IL13RA2: variants seen among roughly 807,000 people sequenced by gnomAD.
IL13RA2 encodes the protein interleukin-13 receptor subunit alpha-2.
In IL13RA2, 25 loss-of-function variants were observed where a neutral mutation model predicts 34.1. The observed-to-expected ratio is 0.73, with a 90% CI of 0.53 to 1.03. IL13RA2 has a LOEUF of 1.03. IL13RA2 is among the 50% of genes least tolerant of loss of function. IL13RA2 has a pLI of 0.00. For synonymous variants in IL13RA2, 106 were observed against 100.4 expected (o/e 1.06, Z -0.33); for missense variants, 297 against 280.9 (o/e 1.06, Z -0.41).
At chrX:115,015,497 A>T (rs2071723107) in intron 3 of IL13RA2, among the ~76,000 whole-genome samples, 173 bp downstream of exon 3, 1 of 110,630 alleles carries the variant, frequency 9.0e-6, no homozygotes, top group Non-Finnish European at 1.9e-5. Flanking sequence ...TTAACACTGG[A>T]TGGGGTGAAA....
chrX:115,012,851 C>G (rs1216186688), intron 5 of IL13RA2, among the ~76,000 whole-genome samples: 2 of 110,234 alleles, frequency 1.8e-5, no homozygotes, highest in Non-Finnish European at 3.8e-5. Flanking sequence ...GTTAATGAAA[C>G]TGGGGAGCAG....
intron 3 of IL13RA2, among the ~76,000 whole-genome samples, chrX:115,015,140 A>G (rs2071721233): frequency 8.9e-6 from 1 of 112,091 alleles, no homozygotes; most frequent in Non-Finnish European, 1.9e-5. Context: ...TAGAGAGGTA[A>G]CAGAATGTCA....
In IL13RA2 at chrX:115,006,671, A is replaced by G. The variant is rs782097165; in HGVS notation, c.997+1261T>C. Among the ~76,000 whole-genome samples, 4 of 111,610 alleles carry G rather than the reference A, an allele frequency of 3.6e-5. No homozygotes were observed. In the East Asian group the frequency reaches 8.4e-4, roughly 24 times the overall value. On this transcript the variant is annotated intron_variant, in intron 8 of 9. Coordinates refer to ENST00000243213, the MANE Select transcript of IL13RA2 (RefSeq NM_000640.3). ...GCACTCCAGCCTGGGTGATAGAGCA[A>G]GACTCTGTACCAAAAAAAGGAAAAG...
intron 1 of IL13RA2, 88 bp downstream of exon 1, chrX:115,017,465 C>A: frequency 2.8e-6 from 1 of 359,224 alleles, no homozygotes; most frequent in Non-Finnish European, 4.8e-6. Context: ...AAGTTAGGAA[C>A]CAATATAATT....
intron 6 of IL13RA2, 129 bp downstream of exon 6, chrX:115,010,515 C>A: frequency 2.6e-6 from 1 of 379,933 alleles, no homozygotes; most frequent in Non-Finnish European, 4.7e-6. Context: ...TTCCATAGGT[C>A]TCTGTCTCTC....
chrX:115,013,828 G>C lies in IL13RA2; in HGVS notation c.462C>G (p.Leu154=). The change falls in exon 5 of 10, where the codon CTC becomes CTG. Residue 154 remains leucine, a synonymous_variant. Coordinates refer to ENST00000243213, the MANE Select transcript of IL13RA2 (RefSeq NM_000640.3). ...DCVYYNWQYL[L]CSWKPGIGVL... ...CACCTATGCCAGGTTTCCAAGAACAGAGTAAATATTGCCAATTGTAATATA... is the reference window on the plus strand; with the variant it reads ...CACCTATGCCAGGTTTCCAAGAACACAGTAAATATTGCCAATTGTAATATA... 1 of 1,015,981 alleles carries C rather than the reference G, an allele frequency of 9.8e-7. No individual in the cohort carries two copies. The highest frequency in any genetic ancestry group is 1.4e-6 in the Non-Finnish European group (1 of 719,140). 83.7% of individuals were successfully genotyped at this position (1,015,981 alleles called of 1,213,427 possible). A position where few individuals can be genotyped will look rare whatever the true frequency, so the allele number is the denominator to read the frequency against.
rs1279778240 is a variant in IL13RA2 at position 115,017,311 on chromosome X, GA to G, written c.-33-10del. The G allele has an allele frequency of 1.7e-6, 1 of 605,645 alleles. No individual in the cohort carries two copies. Among genetic ancestry groups the G allele is most frequent in the East Asian group, 3.3e-5 (1 of 30,137 alleles). 49.9% of individuals were successfully genotyped at this position (605,645 alleles called of 1,213,427 possible). On this transcript the variant is annotated splice_polypyrimidine_tract_variant and intron_variant, in intron 1 of 9. Coordinates refer to ENST00000243213, the MANE Select transcript of IL13RA2 (RefSeq NM_000640.3). The stretch of plus-strand genomic sequence containing the variant: ...ACCTTGATATTGCCTCTCTATGAAG[GA>G]AAAATATAACATTTTAACTTTATCT...
In IL13RA2 at chrX:115,014,554, T is replaced by C; in HGVS notation, c.267A>G (p.Leu89=). 8.4e-7 allele frequency: 1 copy of C among 1,183,683 alleles called. No individual in the cohort carries two copies. The highest frequency in any genetic ancestry group is 1.1e-6 in the Non-Finnish European group (1 of 874,974). The stretch of plus-strand genomic sequence containing the variant: ...TAAGATCAAACCCATCTTTGTAATG[T>C]AGATTCTTAGTAATGATGGTCTGTT... ...ETWKTIITKN[L]HYKDGFDLNK... The change falls in exon 4 of 10, where the codon CTA becomes CTG. Residue 89 remains leucine (L), a synonymous_variant. Coordinates refer to ENST00000243213, the MANE Select transcript of IL13RA2 (RefSeq NM_000640.3).
rs781988944 is a variant in IL13RA2 at position 115,017,236 on chromosome X, A to G, written c.34T>C (p.Tyr12His). The change falls in exon 2 of 10, where the codon TAT (tyrosine) becomes CAT (histidine). Residue 12 changes from tyrosine (Y) to histidine (H), a missense_variant. Physicochemically the swap from Tyr to His is moderately conservative, Grantham distance 83. Transcript: ENST00000243213. ...AFVCLAIGCL[Y>H]TFLISTTFGC... ...AATGTTGTGCTTATCAGAAAGGTAT[A>G]TAAGCATCCGATAGCCAAGCAAACG... 7.9e-6 allele frequency: 8 copies of G among 1,017,354 alleles called. No individual in the cohort carries two copies. Among genetic ancestry groups the G allele is most frequent in the Admixed American group, 2.2e-5 (1 of 44,680 alleles). The allele number at this position is 1,017,354 out of a possible 1,213,427, so 83.8% of individuals were successfully genotyped here. A position where few individuals can be genotyped will look rare whatever the true frequency, so the allele number is the denominator to read the frequency against.
chrX:115,014,606 C>T, intron 3 of IL13RA2, 32 bp from the exon 4 acceptor site: 1 of 1,085,532 alleles, frequency 9.2e-7, no homozygotes, highest in Non-Finnish European at 1.3e-6. Context: ...CAAAGTCAAG[C>T]TTAGAAACCT....
intron 8 of IL13RA2, among the ~76,000 whole-genome samples, chrX:115,006,928 A>G (rs1556507748): frequency 8.9e-6 from 1 of 111,759 alleles, no homozygotes; most frequent in Non-Finnish European, 1.9e-5. Flanking sequence ...CTTCTTTCTG[A>G]TTCCATATAG....
intron 8 of IL13RA2, among the ~76,000 whole-genome samples, chrX:115,005,965 C>A (rs1556507490): frequency 8.9e-6 from 1 of 112,014 alleles, no homozygotes; most frequent in Non-Finnish European, 1.9e-5. Context: ...TCTCCCTAAA[C>A]TAGTACCTCT....
At chrX:115,010,171 G>T (rs1489434097) in intron 6 of IL13RA2, among the ~76,000 whole-genome samples, 1 of 111,032 alleles carries the variant, frequency 9.0e-6, no homozygotes, top group Non-Finnish European at 1.9e-5. Flanking sequence ...AAAGTCACAC[G>T]ACTAGAAAAA....
rs782762873 is a variant in IL13RA2 at position 115,010,971 on chromosome X, T to C, written c.522-143A>G. On this transcript the variant is annotated intron_variant, in intron 5 of 9. Coordinates refer to ENST00000243213, the MANE Select transcript of IL13RA2 (RefSeq NM_000640.3). ...CAATATTTATTAAGCACCTACTATATGTCAGGCACTATGATAAGCAATAGG... is the reference window on the plus strand; with the variant it reads ...CAATATTTATTAAGCACCTACTATACGTCAGGCACTATGATAAGCAATAGG... 2.5e-5 allele frequency: 8 copies of C among 320,228 alleles called. No individual in the cohort carries two copies. In the East Asian group the frequency reaches 3.8e-4, roughly 15 times the overall value. The allele number at this position is 320,228 out of a possible 1,213,427, so 26.4% of individuals were successfully genotyped here. A position where few individuals can be genotyped will look rare whatever the true frequency, so the allele number is the denominator to read the frequency against.
chrX:115,011,494 C>T (rs782301293), intron 5 of IL13RA2, among the ~76,000 whole-genome samples: 9 of 111,909 alleles, frequency 8.0e-5, no homozygotes, highest in African/African-American at 2.3e-4. Context: ...CTACTAAATT[C>T]GAAAGCAACA....
chrX:115,004,867 A>G (rs2071678680), intron 9 of IL13RA2, among the ~76,000 whole-genome samples: 1 of 112,271 alleles, frequency 8.9e-6, no homozygotes, highest in African/African-American at 3.2e-5. Context: ...TCAGTCTATG[A>G]TCATTTTAAT....
intron 3 of IL13RA2, 73 bp downstream of exon 3, chrX:115,015,597 G>A (rs1246961698): frequency 8.9e-6 from 8 of 902,209 alleles, no homozygotes; most frequent in South Asian, 4.0e-5. Context: ...GAATTGGAGC[G>A]GACACTAAAG....
At chrX:115,014,009 C>T in intron 4 of IL13RA2, 120 bp from the exon 5 acceptor site, 1 of 564,753 alleles carries the variant, frequency 1.8e-6, no homozygotes, top group Non-Finnish European at 3.0e-6. Flanking sequence ...ATCAACATAA[C>T]AGGATTATTT....
chrX:115,010,104 T>TG (rs1440692624), intron 6 of IL13RA2, among the ~76,000 whole-genome samples: 3 of 111,677 alleles, frequency 2.7e-5, no homozygotes, highest in Admixed American at 9.6e-5. Flanking sequence ...ACCTATCAGG[T>TG]GGTCCTCTGT....
Sources: allele counts gnomAD v4.1 joint callset (sites outside exome capture counted in the v4.1 genomes callset), GRCh38; gene constraint gnomAD v4.1.1; transcripts MANE v1.5; gene names NCBI Gene and HGNC (gene_info 2026-07-23, HGNC 2026-07-21).